NEK10: variants seen among roughly 807,000 people sequenced by gnomAD.
NEK10 encodes serine/threonine-protein kinase Nek10.
In NEK10, 122 loss-of-function variants were observed where a neutral mutation model predicts 159.8. The observed-to-expected ratio is 0.76, with a 90% CI of 0.66 to 0.89. NEK10 has a LOEUF of 0.89. Ranked by LOEUF, NEK10 falls within the 40% of genes least tolerant of loss-of-function variation. The pLI is 0.00. For missense variants in NEK10, 1,342 were observed against 1,323.1 expected (o/e 1.01, Z -0.22); for synonymous variants, 466 against 457.1 (o/e 1.02, Z -0.25).
At chr3:27,280,977 C>A (rs2042119229) in intron 22 of NEK10, among the ~76,000 whole-genome samples, 2 of 148,936 alleles carry the variant, frequency 1.3e-5, no homozygotes, top group African/African-American at 2.5e-5. Context: ...TCAGAAGATG[C>A]AGAAACAATT....
chr3:27,318,991 A>G (rs1412389614), intron 6 of NEK10, among the ~76,000 whole-genome samples: 1 of 152,212 alleles, frequency 6.6e-6, no homozygotes, highest in Admixed American at 6.5e-5. Context: ...AATACCCAAA[A>G]AATGCTGAAT....
intron 5 of NEK10, among the ~76,000 whole-genome samples, chr3:27,338,660 CA>C (rs1323355331): frequency 1.3e-5 from 2 of 152,108 alleles, no homozygotes; most frequent in Admixed American, 1.3e-4. Context: ...TTTTGATTTG[CA>C]TTTCTCTGAT....
rs6765510 is a variant in NEK10 at position 27,109,373 on chromosome 3, T to C, written c.*1899A>G. Among the ~76,000 whole-genome samples the C allele has an allele frequency of 0.2, 26,787 of 132,920 alleles. 2,520 individuals carry two copies. The highest frequency in any genetic ancestry group is 0.22 in the African/African-American group (8,232 of 37,368). The allele number at this position is 132,920 out of a possible 152,430, so 87.2% of individuals were successfully genotyped here. ...AAGCCTGGGCAACAGAGTGAGACTC[T>C]GTCTTAAAAAAAAAAAAAAAAAAAA... On this transcript the variant is annotated 3_prime_UTR_variant, in exon 36 of 36. Transcript: ENST00000691995.
chr3:27,337,031 G>A (rs113412418), intron 5 of NEK10, among the ~76,000 whole-genome samples: 8 of 126,646 alleles, frequency 6.3e-5, no homozygotes, highest in South Asian at 2.2e-4. Context: ...CACATTTGGC[G>A]GGGGGGAAAG....
intron 26 of NEK10, among the ~76,000 whole-genome samples, chr3:27,187,473 A>G (rs1173955082): frequency 6.6e-6 from 1 of 152,180 alleles, no homozygotes; most frequent in Non-Finnish European, 1.5e-5. Context: ...CCAAATTCAT[A>G]TGAAATGAAA....
intron 23 of NEK10, among the ~76,000 whole-genome samples, chr3:27,234,097 A>G (rs1953633201): frequency 6.6e-6 from 1 of 152,156 alleles, no homozygotes; most frequent in Non-Finnish European, 1.5e-5. Context: ...TCTCTCAATA[A>G]ACTGGTATTG....
chr3:27,141,165 G>T (rs1391872270), intron 31 of NEK10, among the ~76,000 whole-genome samples: 1 of 152,056 alleles, frequency 6.6e-6, no homozygotes, highest in African/African-American at 2.4e-5. Flanking sequence ...TTAGAGTAAA[G>T]CTGCTTAAGA....
At chr3:27,194,075 T>C (rs1949356673) in intron 25 of NEK10, 1 of 151,854 alleles carries the variant, frequency 6.6e-6, no homozygotes, top group South Asian at 2.1e-4. Flanking sequence ...AGTTCCAGGA[T>C]AGTCTCGTTG....
At chr3:27,160,278 ATACTT>A (rs1559531780) in intron 30 of NEK10, among the ~76,000 whole-genome samples, 1 of 152,304 alleles carries the variant, frequency 6.6e-6, no homozygotes, top group African/African-American at 2.4e-5. Context: ...TCACTTCTCT[ATACTT>A]TAGTTAAGAC....
chr3:27,258,706 T>C (rs565269635), intron 22 of NEK10, among the ~76,000 whole-genome samples: 14 of 152,348 alleles, frequency 9.2e-5, no homozygotes, highest in African/African-American at 2.9e-4. Flanking sequence ...TATATCAGCA[T>C]GATTTATAAT....
At chr3:27,187,901 A>T (rs1948766850) in intron 26 of NEK10, among the ~76,000 whole-genome samples, 1 of 152,216 alleles carries the variant, frequency 6.6e-6, no homozygotes. Flanking sequence ...AACATCCATC[A>T]TCTAGCTCCA....
intron 30 of NEK10, among the ~76,000 whole-genome samples, chr3:27,146,894 C>A (rs1437942654): frequency 4.6e-5 from 7 of 152,140 alleles, no homozygotes. Context: ...AACTGAAGAA[C>A]AGCAAACTGT....
intron 23 of NEK10, chr3:27,252,256 G>C: frequency 6.1e-6 from 3 of 495,516 alleles, no homozygotes; most frequent in Non-Finnish European, 1.2e-5. Flanking sequence ...TCTGAAGGGA[G>C]GTTGCTATTT....
At chr3:27,293,181 C>T (rs919298531) in intron 16 of NEK10, among the ~76,000 whole-genome samples, 1 of 149,366 alleles carries the variant, frequency 6.7e-6, no homozygotes, top group Admixed American at 6.6e-5. Context: ...AGTTTGTTTT[C>T]CCTTTGATTA....
chr3:27,175,833 T>C (rs1055013227), intron 26 of NEK10, among the ~76,000 whole-genome samples: 1 of 152,190 alleles, frequency 6.6e-6, no homozygotes, highest in Non-Finnish European at 1.5e-5. Flanking sequence ...GGTGCATTTA[T>C]TGAAGGGGAA....
chr3:27,348,168 C>G (rs918547824), intron 3 of NEK10, among the ~76,000 whole-genome samples: 3 of 152,086 alleles, frequency 2.0e-5, no homozygotes, highest in Non-Finnish European at 4.4e-5. Context: ...ATATTATACT[C>G]AAAATATCAT....
At chr3:27,166,562 C>T (rs1242928906) in intron 29 of NEK10, among the ~76,000 whole-genome samples, 2 of 152,144 alleles carry the variant, frequency 1.3e-5, no homozygotes, top group African/African-American at 2.4e-5. Context: ...AAGACTTCCG[C>T]TTTTAAGAGG....
At chr3:27,212,336 C>CAT (rs893425988) in intron 23 of NEK10, among the ~76,000 whole-genome samples, 2 of 149,426 alleles carry the variant, frequency 1.3e-5, no homozygotes, top group Middle Eastern at 3.3e-3. Flanking sequence ...GAATCATCAC[C>CAT]ATATTTGCTC....
intron 6 of NEK10, among the ~76,000 whole-genome samples, chr3:27,317,638 T>G (rs764667257): frequency 6.5e-4 from 99 of 152,306 alleles, no homozygotes; most frequent in Non-Finnish European, 1.1e-3. Context: ...CAGCCAAAAC[T>G]GTCATTTCCA....
Sources: allele counts gnomAD v4.1 joint callset (sites outside exome capture counted in the v4.1 genomes callset), GRCh38; gene constraint gnomAD v4.1.1; transcripts MANE v1.5; gene names NCBI Gene and HGNC (gene_info 2026-07-23, HGNC 2026-07-21).